JAZF1: variants seen among roughly 807,000 people sequenced by gnomAD.
JAZF1 encodes the protein JAZF zinc finger 1, also known as juxtaposed with another zinc finger protein 1.
In JAZF1, 8 loss-of-function variants were observed where a neutral mutation model predicts 26.4. That is an observed-to-expected ratio of 0.30 (90% CI 0.18 to 0.55). The LOEUF (loss-of-function observed/expected upper bound fraction) is 0.55, where lower values mean the gene tolerates loss of function less well. Ranked by LOEUF, JAZF1 falls within the 20% of genes least tolerant of loss-of-function variation. The pLI is 0.94. For missense variants in JAZF1, 199 were observed against 322.0 expected, an observed-to-expected ratio of 0.62 and a Z score of 2.92; for synonymous variants, 126 against 122.3, an observed-to-expected ratio of 1.03 and a Z score of -0.20.
chr7:27,961,751 T>C (rs1317278064), intron 2 of JAZF1, among the ~76,000 whole-genome samples: 1 of 152,196 alleles, frequency 6.6e-6, no homozygotes, highest in East Asian at 1.9e-4. Context: ...AACATTGTCA[T>C]TTAAACAGTT....
chr7:28,069,505 A>G (rs1783940953), intron 1 of JAZF1, among the ~76,000 whole-genome samples: 1 of 152,160 alleles, frequency 6.6e-6, no homozygotes, highest in Non-Finnish European at 1.5e-5. Flanking sequence ...TAGCATTAAG[A>G]AACAAAGGAA....
chr7:28,093,934 G>C (rs1197432117), intron 1 of JAZF1, among the ~76,000 whole-genome samples: 1 of 152,256 alleles, frequency 6.6e-6, no homozygotes, highest in Non-Finnish European at 1.5e-5. Flanking sequence ...AATGCATTCA[G>C]TGCTCAGGAC....
rs998411966 is a variant in JAZF1 at position 27,845,066 on chromosome 7, G to A, written c.386-4199C>T. ...CTTGTTCTGTGCCTCGCACCATCCC[G>A]AGACAAGAAATGTTAATTTCCATAC... On this transcript the variant is annotated intron_variant, in intron 3 of 4. Transcript: ENST00000283928. Among the ~76,000 whole-genome samples the A allele has an allele frequency of 5.9e-5, 9 of 152,318 alleles. 1 individual carries two copies. Among genetic ancestry groups the A allele is most frequent in the Admixed American group, 4.6e-4 (7 of 15,308 alleles).
chr7:28,008,452 T>A (rs1183827085), intron 1 of JAZF1, among the ~76,000 whole-genome samples: 1 of 152,162 alleles, frequency 6.6e-6, no homozygotes, highest in Non-Finnish European at 1.5e-5. Context: ...ACTGTGTGAA[T>A]CATACATTTT....
chr7:27,984,661 C>T (rs1450124954), intron 2 of JAZF1, among the ~76,000 whole-genome samples: 2 of 152,238 alleles, frequency 1.3e-5, no homozygotes, highest in Non-Finnish European at 2.9e-5. Context: ...TTCTTCTCAG[C>T]ATCACATTGC....
intron 2 of JAZF1, among the ~76,000 whole-genome samples, chr7:27,988,383 T>C (rs1785780955): frequency 6.6e-6 from 1 of 151,742 alleles, no homozygotes; most frequent in Non-Finnish European, 1.5e-5. Flanking sequence ...AAATTTTTTT[T>C]TTTTTTTTTG....
At chr7:27,858,225 T>C (rs878934085) in intron 3 of JAZF1, among the ~76,000 whole-genome samples, 2 of 151,962 alleles carry the variant, frequency 1.3e-5, no homozygotes, top group Admixed American at 6.6e-5. Context: ...GTCAAGGAAA[T>C]AGGAGAGGAC....
intron 1 of JAZF1, among the ~76,000 whole-genome samples, chr7:28,049,278 T>C (rs1034658409): frequency 2.0e-5 from 3 of 151,622 alleles, no homozygotes; most frequent in African/African-American, 7.3e-5. Context: ...GAGACAGGGT[T>C]TCACCATACT....
chr7:27,913,000 C>A (rs1784384682), intron 2 of JAZF1, among the ~76,000 whole-genome samples: 2 of 152,096 alleles, frequency 1.3e-5, no homozygotes, highest in African/African-American at 4.8e-5. Flanking sequence ...GTCCGTATCG[C>A]TCCCTCGGAG....
intron 1 of JAZF1, among the ~76,000 whole-genome samples, chr7:28,097,414 GA>G (rs765947171): frequency 1.3e-4 from 20 of 152,168 alleles, no homozygotes; most frequent in South Asian, 1.2e-3. Context: ...TCAAAAGTCT[GA>G]AGCATTTATT....
At chr7:27,915,061 A>G (rs965819760) in intron 2 of JAZF1, among the ~76,000 whole-genome samples, 1 of 152,222 alleles carries the variant, frequency 6.6e-6, no homozygotes, top group Non-Finnish European at 1.5e-5. Flanking sequence ...AGAGTTTACT[A>G]TGAGGATGAT....
intron 1 of JAZF1, 102 bp downstream of exon 1, chr7:28,180,361 C>A: frequency 1.3e-6 from 1 of 764,988 alleles, no homozygotes; most frequent in Non-Finnish European, 2.1e-6. Context: ...CCCCGCCCTG[C>A]CGCCTCCCTC....
intron 1 of JAZF1, among the ~76,000 whole-genome samples, chr7:28,179,612 G>A (rs928825951): frequency 1.3e-5 from 2 of 150,842 alleles, no homozygotes; most frequent in Non-Finnish European, 3.0e-5. Context: ...AGGGCGCGTC[G>A]ACCCCGGGGC....
intron 2 of JAZF1, among the ~76,000 whole-genome samples, chr7:27,904,846 G>A (rs1009205495): frequency 1.3e-5 from 2 of 152,176 alleles, no homozygotes; most frequent in African/African-American, 2.4e-5. Context: ...GATATAATCT[G>A]AGTAGTACAC....
At chr7:28,115,530 A>C (rs548578383) in intron 1 of JAZF1, among the ~76,000 whole-genome samples, 66 of 152,336 alleles carry the variant, frequency 4.3e-4, no homozygotes, top group Admixed American at 1.2e-3. Context: ...GCTGTAGTCA[A>C]CAGTACCAAC....
chr7:28,073,188 A>G (rs1784003116), intron 1 of JAZF1, among the ~76,000 whole-genome samples: 1 of 152,214 alleles, frequency 6.6e-6, no homozygotes, highest in Non-Finnish European at 1.5e-5. Flanking sequence ...TTTTAAAATA[A>G]GCAACTAATA....
chr7:28,085,073 AAT>A (rs1182473369), intron 1 of JAZF1, among the ~76,000 whole-genome samples: 1 of 152,166 alleles, frequency 6.6e-6, no homozygotes, highest in Non-Finnish European at 1.5e-5. Context: ...AACTGGAAGA[AAT>A]AAATTCTTTT....
At position 28,170,998 on chromosome 7, in the gene JAZF1, C is replaced by T. The variant is rs550658295; in HGVS notation, c.115+9465G>A. ...GGTACTGTGAAAGGAAAATCAATCT[C>T]GGGATCCCCCCAAATAATAAATAAT... On this transcript the variant is annotated intron_variant, in intron 1 of 4. Transcript: ENST00000283928. Among the ~76,000 whole-genome samples, 8 of 152,298 alleles carry T rather than the reference C, an allele frequency of 5.3e-5. No homozygotes were observed. The East Asian group carries it at 1.4e-3, about 26-fold the overall frequency.
intron 2 of JAZF1, among the ~76,000 whole-genome samples, chr7:27,972,911 G>C (rs1332485118): frequency 6.7e-6 from 1 of 149,254 alleles, no homozygotes; most frequent in Non-Finnish European, 1.5e-5. Flanking sequence ...GCAATATATA[G>C]ATATATTTTA....
Sources: gnomAD v4.1 joint callset for allele counts (sites outside exome capture counted in the v4.1 genomes callset) on GRCh38, gnomAD v4.1.1 for gene constraint, MANE v1.5 for transcripts, NCBI Gene and HGNC (gene_info 2026-07-23, HGNC 2026-07-21) for gene names.